The following AGRN variants were observed in gnomAD, a reference collection of about 807,000 sequenced individuals.
AGRN encodes agrin proteoglycan.
In AGRN, 106 loss-of-function variants were observed where a neutral mutation model predicts 211.0. The observed-to-expected ratio is 0.50, with a 90% CI of 0.43 to 0.59. The LOEUF is 0.59. Ranked by LOEUF, AGRN falls within the 20% of genes least tolerant of loss-of-function variation. The pLI, the probability that AGRN is intolerant of heterozygous loss-of-function variation, is 0.00. For synonymous variants in AGRN, 1,525 were observed against 1,332.5 expected, an observed-to-expected ratio of 1.14 and a Z score of -3.15; for missense variants, 3,040 against 2,982.6, an observed-to-expected ratio of 1.02 and a Z score of -0.45.
At chr1:1,051,912 G>C (rs542448719) in intron 33 of AGRN, 97 bp downstream of exon 33, 2 of 1,551,198 alleles carry the variant, frequency 1.3e-6, no homozygotes, top group Admixed American at 2.0e-5. Context: ...GGGACGGCCC[G>C]GTGCTGCCAC....
At chr1:1,050,635 C>T (rs551266583) in intron 29 of AGRN, 44 bp downstream of exon 29, 41 of 1,603,382 alleles carry the variant, frequency 2.6e-5, no homozygotes, top group Middle Eastern at 3.6e-4. Flanking sequence ...GGCACTGGCC[C>T]GGGGCCGGGG....
In AGRN at chr1:1,054,940, G is replaced by A. The variant is rs374026237; in HGVS notation, c.6097G>A (p.Ala2033Thr). Residue 2033 changes from alanine to threonine, a missense_variant, in exon 36 of 36, where the codon GCC (alanine) becomes ACC (threonine). Transcript: ENST00000379370. The stretch of plus-strand genomic sequence containing the variant: ...GCACCCGCTGCACCTGCTGGAGGAC[G>A]CCGTCACCAAGCCAGAGCTGCGGCC... The part of the protein sequence containing the change: ...GRHPLHLLED[A>T]VTKPELRPCP... 6.9e-5 allele frequency: 107 copies of A among 1,548,878 alleles called. No individual in the cohort carries two copies. Among genetic ancestry groups the A allele is most frequent in the Non-Finnish European group, 8.0e-5 (92 of 1,147,220 alleles).
In AGRN at chr1:1,020,139, C is replaced by T. The variant is rs1570123868; in HGVS notation, c.-34C>T. The T allele has an allele frequency of 8.5e-7, 1 of 1,180,914 alleles. No individual in the cohort carries two copies. Among genetic ancestry groups the T allele is most frequent in the East Asian group, 3.9e-5 (1 of 25,678 alleles). 73.2% of individuals were successfully genotyped at this position (1,180,914 alleles called of 1,614,324 possible). A position where few individuals can be genotyped will look rare whatever the true frequency, so the allele number is the denominator to read the frequency against. On this transcript the variant is annotated 5_prime_UTR_variant, in exon 1 of 36. Transcript: ENST00000379370. ...CTGTCCAGTCCCGTCCCCGGCGCGG[C>T]CCGCGCGCTCCTCCGCCGCCTCTCG...
At chr1:1,034,243 G>A (rs1644746639) in intron 2 of AGRN, 1 of 985,316 alleles carries the variant, frequency 1.0e-6, no homozygotes, top group Admixed American at 6.1e-5. Flanking sequence ...ACCGAGCGCT[G>A]GCGGCCAGCC....
In AGRN at chr1:1,020,409, G is replaced by C. The variant is rs928749260; in HGVS notation, c.201+36G>C. 1.6e-5 allele frequency: 23 copies of C among 1,480,312 alleles called. No individual in the cohort carries two copies. The African/African-American group carries it at 3.1e-4, about 20-fold the overall frequency. 91.7% of individuals were successfully genotyped at this position (1,480,312 alleles called of 1,614,324 possible). On this transcript the variant is annotated intron_variant, in intron 1 of 35. Transcript: ENST00000379370. ...CCGGACCCCGGCCTCCCCTCGCGAC[G>C]CCTGCCGCCCCGCCGGGACCCCCGC...
At position 1,046,722 on chromosome 1, in the gene AGRN, G is replaced by T; in HGVS notation, c.3237G>T (p.Gly1079=). ...TGAGCGGGGACCAGGAGGCCAGTGG[G>T]GGTGGCTCTGGGGGTGAGCAGGGAT... ...EELSGDQEAS[G]GGSGGLEPLE... is the part of the protein sequence containing the mutation. Residue 1079 remains glycine, a synonymous_variant, in exon 18 of 36, where the codon GGG becomes GGT. Coordinates refer to ENST00000379370, the MANE Select transcript of AGRN (RefSeq NM_198576.4). The T allele has an allele frequency of 6.3e-7, 1 of 1,579,906 alleles. No homozygotes were observed. The highest frequency in any genetic ancestry group is 8.6e-7 in the Non-Finnish European group (1 of 1,168,644).
At chr1:1,039,141 G>A (rs1644868277) in intron 3 of AGRN, among the ~76,000 whole-genome samples, 1 of 152,208 alleles carries the variant, frequency 6.6e-6, no homozygotes, top group Non-Finnish European at 1.5e-5. Context: ...TTCTCACAGT[G>A]GGTAATGCAG....
intron 2 of AGRN, 90 bp from the exon 3 acceptor site, chr1:1,035,187 C>T: frequency 1.6e-6 from 2 of 1,236,962 alleles, no homozygotes; most frequent in Non-Finnish European, 2.2e-6. Context: ...GGGGGGTGGG[C>T]AGGGGTGCCC....
chr1:1,044,637 G>A (rs909095033), intron 12 of AGRN, among the ~76,000 whole-genome samples, 198 bp downstream of exon 12: 1 of 152,212 alleles, frequency 6.6e-6, no homozygotes, highest in Non-Finnish European at 1.5e-5. Context: ...ATCAGTCAGT[G>A]GGCGTGCACC....
rs1158229959 is a variant in AGRN, at chr1:1,050,156, A to G, written c.4880-77A>G. On this transcript the variant is annotated intron_variant, in intron 27 of 35. Coordinates refer to ENST00000379370, the MANE Select transcript of AGRN (RefSeq NM_198576.4). The stretch of plus-strand genomic sequence containing the variant: ...CTCAGTCTAGTCTGGGTTTTGAGTT[A>G]GGATCCACACACGGCTGGCATGGGG... 13 of 1,595,312 alleles carry G rather than the reference A, an allele frequency of 8.1e-6. No homozygotes were observed. In the Admixed American group the frequency reaches 2.2e-4, roughly 27 times the overall value.
rs201436229 is a variant in AGRN at position 1,049,276 on chromosome 1, G to T, written c.4339G>T (p.Val1447Leu). ...GGGGCCGGCGGTGCTGACCAGTGCC[G>T]TGCCGGTAGAGCCGGGCCAGTGGCA... ...GSGPAVLTSA[V>L]PVEPGQWHRL... Residue 1447 changes from valine (V) to leucine (L), a missense_variant, in exon 25 of 36, where the codon GTG becomes TTG. Coordinates refer to ENST00000379370, the MANE Select transcript of AGRN (RefSeq NM_198576.4). 2 of 1,595,392 alleles carry T rather than the reference G, an allele frequency of 1.3e-6. No homozygotes were observed. Among genetic ancestry groups the T allele is most frequent in the Admixed American group, 1.7e-5 (1 of 59,640 alleles).
intron 2 of AGRN, among the ~76,000 whole-genome samples, chr1:1,025,400 G>A (rs146661241): frequency 1.3e-5 from 2 of 152,158 alleles, no homozygotes; most frequent in Non-Finnish European, 1.5e-5. Context: ...GGACAGCATC[G>A]GTGCTGGGGT....
chr1:1,044,405 A>T lies in AGRN; in HGVS notation c.2220A>T (p.Arg740=), dbSNP rs746221151. 3 of 1,612,196 alleles carry T rather than the reference A, an allele frequency of 1.9e-6. No individual in the cohort carries two copies. In the Admixed American group the frequency reaches 5.0e-5, roughly 27 times the overall value. ...AGAAGGCCAGGTGTGAGTCACAGCG[A>T]GGGCTCTACGTAGCGGCCCAGGGAG... The part of the protein sequence containing the change: ...ELKKARCESQ[R]GLYVAAQGAC... The change falls in exon 12 of 36, where the codon CGA becomes CGT. Residue 740 remains arginine (R), a synonymous_variant. Transcript: ENST00000379370.
rs749078625 is a variant in AGRN, at chr1:1,054,921, G to A, written c.6078G>A (p.Pro2026=). Residue 2026 remains proline, a synonymous_variant, in exon 36 of 36, where the codon CCG becomes CCA. Coordinates refer to ENST00000379370, the MANE Select transcript of AGRN (RefSeq NM_198576.4). The part of the protein sequence containing the change: ...CLRDVVVGRH[P]LHLLEDAVTK... ...GGGACGTGGTGGTGGGCCGGCACCC[G>A]CTGCACCTGCTGGAGGACGCCGTCA... The A allele has an allele frequency of 4.7e-5, 73 of 1,548,378 alleles. No homozygotes were observed. In the East Asian group the frequency reaches 6.8e-4, roughly 14 times the overall value.
Position 1,041,663 on chromosome 1 carries a change from C to T in AGRN, c.1138C>T (p.Leu380Phe). The change falls in exon 6 of 36, where the codon CTC (leucine) becomes TTC (phenylalanine). Residue 380 changes from leucine to phenylalanine, a missense_variant. This residue lies in a region of AGRN where 1,498 missense variants were observed against 1,457.8 expected (regional missense o/e 1.03). Coordinates refer to ENST00000379370, the MANE Select transcript of AGRN (RefSeq NM_198576.4). ...MGRSGAARGLLLQKVRSGQCQ... is the reference protein window; with the variant it reads ...MGRSGAARGLFLQKVRSGQCQ... Reference sequence around the variant, plus strand: ...CCGATCGGGGGCCGCCCGGGGTCTCCTCCTGCAGAAAGTGCGCTCCGGCCA... The same window carrying T: ...CCGATCGGGGGCCGCCCGGGGTCTCTTCCTGCAGAAAGTGCGCTCCGGCCA... 1 of 1,611,142 alleles carries T rather than the reference C, an allele frequency of 6.2e-7. No individual in the cohort carries two copies. The highest frequency in any genetic ancestry group is 1.7e-5 in the Admixed American group (1 of 59,960).
chr1:1,043,284 C>T lies in AGRN; in HGVS notation c.1430C>T (p.Ala477Val), dbSNP rs772421157. 8 of 1,611,480 alleles carry T rather than the reference C, an allele frequency of 5.0e-6. No homozygotes were observed. Among genetic ancestry groups the T allele is most frequent in the East Asian group, 4.5e-5 (2 of 44,790 alleles). Residue 477 changes from alanine (A) to valine (V), a missense_variant, in exon 8 of 36, where the codon GCG becomes GTG. By Grantham distance (64) the Ala-to-Val change is moderately conservative (BLOSUM62 0). Transcript: ENST00000379370. ...CTCGGGGTGCAGTGTGCATTTGGGG[C>T]GACGTGTGCTGTGAAGAACGGGCAG... ...PCLGVQCAFGATCAVKNGQAA... is the reference protein window; with the variant it reads ...PCLGVQCAFGVTCAVKNGQAA...
At chr1:1,052,695 T>C (rs1645339200) in intron 33 of AGRN, 1 of 156,236 alleles carries the variant, frequency 6.4e-6, no homozygotes, top group Admixed American at 6.2e-5. Context: ...TACACATGGG[T>C]CCATGTATGT....
rs571142975 is a variant in AGRN, at chr1:1,047,859, C to T, written c.3715C>T (p.Arg1239Trp). Reference protein sequence around the residue: ...VSRRRSLGVRRPLQEHVRFMD... With the variant: ...VSRRRSLGVRWPLQEHVRFMD... ...CAGGCGCCGGTCCTTGGGGGTGAGG[C>T]GGCCGCTGCAGGAGCACGTGCGATT... The change falls in exon 22 of 36, where the codon CGG becomes TGG. Residue 1239 changes from arginine (R) to tryptophan (W), a missense_variant. Arg to Trp is a moderately radical substitution (Grantham distance 101, BLOSUM62 -3). This residue lies in a region of AGRN where 1,537 missense variants were observed against 1,505.0 expected (regional missense o/e 1.02). Transcript: ENST00000379370. 1.3e-5 allele frequency: 21 copies of T among 1,605,604 alleles called. No individual in the cohort carries two copies. The highest frequency in any genetic ancestry group is 2.7e-5 in the African/African-American group (2 of 74,856).
At position 1,043,744 on chromosome 1, in the gene AGRN, C is replaced by T; in HGVS notation, c.1798+12C>T. On this transcript the variant is annotated intron_variant, in intron 9 of 35. Coordinates refer to ENST00000379370, the MANE Select transcript of AGRN (RefSeq NM_198576.4). The stretch of plus-strand genomic sequence containing the variant: ...AGCTGGACCCTGTGGTGAGTGAGGC[C>T]CTGGGGCCGGGCGGGCCAGGGTCCT... 1 of 1,601,832 alleles carries T rather than the reference C, an allele frequency of 6.2e-7. No individual in the cohort carries two copies. Among genetic ancestry groups the T allele is most frequent in the African/African-American group, 1.3e-5 (1 of 75,048 alleles).
Sources: gnomAD v4.1 joint callset for allele counts (sites outside exome capture counted in the v4.1 genomes callset) on GRCh38, gnomAD v4.1.1 for gene constraint, gnomAD v4.1.1 regional missense constraint, MANE v1.5 for transcripts, NCBI Gene and HGNC (gene_info 2026-07-23, HGNC 2026-07-21) for gene names.